Variants in PTPRM observed in about 807,000 individuals in gnomAD.
The protein encoded by PTPRM is receptor-type tyrosine-protein phosphatase mu.
In PTPRM, 47 loss-of-function variants were observed where a neutral mutation model predicts 186.7. That is an observed-to-expected ratio of 0.25 (90% CI 0.20 to 0.32). The LOEUF is 0.32. PTPRM is among the 10% of genes least tolerant of loss of function. PTPRM has a pLI of 1.00. For missense variants in PTPRM, 1,494 were observed against 1,865.0 expected (o/e 0.80, Z 3.66); for synonymous variants, 668 against 674.9 (o/e 0.99, Z 0.16).
chr18:8,085,447 A>G (rs1286061190), intron 9 of PTPRM, among the ~76,000 whole-genome samples: 2 of 152,190 alleles, frequency 1.3e-5, no homozygotes, highest in African/African-American at 4.8e-5. Flanking sequence ...CTCATCCTGT[A>G]TATTCTAATC....
chr18:7,687,696 A>G (rs902242615), intron 1 of PTPRM, among the ~76,000 whole-genome samples: 1 of 152,026 alleles, frequency 6.6e-6, no homozygotes, highest in Non-Finnish European at 1.5e-5. Flanking sequence ...CTCATATTTT[A>G]TGGTAAAGGA....
intron 2 of PTPRM, among the ~76,000 whole-genome samples, chr18:7,777,278 G>C (rs2042633252): frequency 6.6e-6 from 1 of 152,164 alleles, no homozygotes. Context: ...AATCCAGCTC[G>C]CTGCTAGTTT....
At chr18:7,802,223 T>A (rs917387929) in intron 2 of PTPRM, among the ~76,000 whole-genome samples, 1 of 152,176 alleles carries the variant, frequency 6.6e-6, no homozygotes, top group Non-Finnish European at 1.5e-5. Flanking sequence ...ACCTTCTGAC[T>A]CTGTTTGCTC....
Position 8,145,564 on chromosome 18 carries a change from C to T in PTPRM, c.2300+1785C>T, listed in dbSNP as rs28541281. Among the ~76,000 whole-genome samples, 1,377 of 152,268 alleles carry T rather than the reference C, an allele frequency of 9.0e-3. 26 individuals are homozygous for T. Among genetic ancestry groups the T allele is most frequent in the African/African-American group, 0.032 (1,321 of 41,536 alleles). ...TTCAACTCCCACATATGAATGAGAA[C>T]ATGCAGTGTTTGCTTTTCTGTTCTT... is the stretch of plus-strand genomic sequence containing the variant. On this transcript the variant is annotated intron_variant, in intron 14 of 32. Transcript: ENST00000580170.
intron 1 of PTPRM, among the ~76,000 whole-genome samples, chr18:7,578,332 A>ATTTT (rs34096793): frequency 1.6e-5 from 2 of 121,554 alleles, no homozygotes; most frequent in Non-Finnish European, 3.3e-5. Flanking sequence ...TGGCTAATTA[A>ATTTT]TTTTTTTTTT....
intron 11 of PTPRM, among the ~76,000 whole-genome samples, chr18:8,099,862 C>T (rs1010250585): frequency 2.0e-5 from 3 of 152,132 alleles, no homozygotes; most frequent in South Asian, 4.1e-4. Flanking sequence ...AATTGTGTGA[C>T]CTGAAGTCAC....
At chr18:7,933,097 A>T (rs1411805366) in intron 5 of PTPRM, among the ~76,000 whole-genome samples, 3 of 152,144 alleles carry the variant, frequency 2.0e-5, no homozygotes, top group Non-Finnish European at 4.4e-5. Context: ...GTAGTTACTA[A>T]GGAGGTGTCT....
chr18:7,854,731 GT>G (rs10541123), intron 2 of PTPRM, among the ~76,000 whole-genome samples: 10,443 of 141,758 alleles, frequency 0.074, 847 homozygotes, highest in African/African-American at 0.21. Flanking sequence ...AATGTTAGGA[GT>G]TTTTTTTTTT....
intron 13 of PTPRM, among the ~76,000 whole-genome samples, chr18:8,129,037 A>G (rs535324379): frequency 2.0e-5 from 3 of 152,268 alleles, no homozygotes; most frequent in Middle Eastern, 6.8e-3. Context: ...AATTTGGTGT[A>G]TTACGCATAT....
At chr18:8,370,456 A>G (rs2095657038) in intron 23 of PTPRM, among the ~76,000 whole-genome samples, 1 of 152,328 alleles carries the variant, frequency 6.6e-6, no homozygotes, top group South Asian at 2.1e-4. Context: ...ATATAATTCT[A>G]ATCTTTAGTG....
At chr18:7,770,142 A>C (rs2042207859) in intron 1 of PTPRM, among the ~76,000 whole-genome samples, 1 of 152,228 alleles carries the variant, frequency 6.6e-6, no homozygotes, top group South Asian at 2.1e-4. Context: ...ATACTGCTGT[A>C]GATGATGGCA....
At chr18:7,903,857 C>T (rs547106408) in intron 3 of PTPRM, among the ~76,000 whole-genome samples, 1 of 152,252 alleles carries the variant, frequency 6.6e-6, no homozygotes, top group Admixed American at 6.5e-5. Context: ...TCACATCCAT[C>T]CCATACACAA....
chr18:8,296,919 G>A (rs1451787455), intron 20 of PTPRM, among the ~76,000 whole-genome samples: 1 of 152,148 alleles, frequency 6.6e-6, no homozygotes, highest in Non-Finnish European at 1.5e-5. Context: ...AAACTCAGAA[G>A]TTAAATGATA....
intron 2 of PTPRM, among the ~76,000 whole-genome samples, chr18:7,853,003 T>A (rs1567917943): frequency 6.6e-6 from 1 of 152,222 alleles, no homozygotes; most frequent in Non-Finnish European, 1.5e-5. Flanking sequence ...TTTACACTGA[T>A]AAGAGGTTCA....
intron 2 of PTPRM, among the ~76,000 whole-genome samples, chr18:7,869,948 C>T (rs1261244670): frequency 6.6e-6 from 1 of 152,022 alleles, no homozygotes; most frequent in Non-Finnish European, 1.5e-5. Flanking sequence ...AGAGATTGGG[C>T]CATATGCAAG....
At chr18:7,895,723 A>G (rs930238917) in intron 3 of PTPRM, among the ~76,000 whole-genome samples, 1 of 152,210 alleles carries the variant, frequency 6.6e-6, no homozygotes, top group African/African-American at 2.4e-5. Context: ...CATCTTGATC[A>G]GCATCTGAAC....
chr18:8,241,959 T>A (rs2094437964), intron 14 of PTPRM, among the ~76,000 whole-genome samples: 1 of 152,178 alleles, frequency 6.6e-6, no homozygotes, highest in Non-Finnish European at 1.5e-5. Flanking sequence ...AAGTGATGAG[T>A]GTGACATCAC....
At chr18:7,763,496 G>A (rs1176829551) in intron 1 of PTPRM, among the ~76,000 whole-genome samples, 7 of 152,122 alleles carry the variant, frequency 4.6e-5, no homozygotes, top group Admixed American at 4.6e-4. Flanking sequence ...GATGCAAAGA[G>A]CAAGACACAT....
At chr18:7,930,816 G>A (rs1291602371) in intron 5 of PTPRM, among the ~76,000 whole-genome samples, 1 of 152,036 alleles carries the variant, frequency 6.6e-6, no homozygotes, top group East Asian at 1.9e-4. Context: ...CCTTGTCAGA[G>A]TCTTTCACAA....
Sources: gnomAD v4.1 joint callset for allele counts (sites outside exome capture counted in the v4.1 genomes callset) on GRCh38, gnomAD v4.1.1 for gene constraint, MANE v1.5 for transcripts, NCBI Gene and HGNC (gene_info 2026-07-23, HGNC 2026-07-21) for gene names.